DGKI: variants seen among roughly 807,000 people sequenced by gnomAD.
DGKI encodes the protein DAG kinase iota.
A neutral mutation model predicts 147.5 loss-of-function variants in DGKI; 55 were observed. The observed-to-expected ratio is 0.37, with a 90% CI of 0.30 to 0.47. The LOEUF is 0.47. Among genes scored for constraint, DGKI ranks in the 20% least tolerant of loss-of-function variants. DGKI has a pLI of 1.00. For missense variants in DGKI, 1,007 were observed against 1,323.8 expected (o/e 0.76, Z 3.71); for synonymous variants, 469 against 477.1 (o/e 0.98, Z 0.22).
chr7:137,720,042 C>T (rs1274290050), intron 1 of DGKI, among the ~76,000 whole-genome samples: 1 of 152,098 alleles, frequency 6.6e-6, no homozygotes, highest in African/African-American at 2.4e-5. Flanking sequence ...TCCCGCCTCA[C>T]TGTATTCTTC....
At chr7:137,407,142 T>C (rs532535744) in intron 30 of DGKI, among the ~76,000 whole-genome samples, 2 of 152,328 alleles carry the variant, frequency 1.3e-5, no homozygotes, top group African/African-American at 4.8e-5. Flanking sequence ...GCAGTATTTT[T>C]CCCCTTTATT....
intron 28 of DGKI, among the ~76,000 whole-genome samples, chr7:137,420,529 G>T (rs778381992): frequency 6.6e-6 from 1 of 152,012 alleles, no homozygotes; most frequent in Non-Finnish European, 1.5e-5. Flanking sequence ...AATGTGTTAT[G>T]CATACAATGT....
At chr7:137,642,493 C>T (rs1297052681) in intron 6 of DGKI, among the ~76,000 whole-genome samples, 2 of 152,168 alleles carry the variant, frequency 1.3e-5, no homozygotes, top group Non-Finnish European at 2.9e-5. Context: ...AAATATTCTC[C>T]TCATTAAACT....
chr7:137,561,776 T>C (rs894198879), intron 19 of DGKI, among the ~76,000 whole-genome samples: 2 of 151,954 alleles, frequency 1.3e-5, no homozygotes, highest in African/African-American at 4.8e-5. Context: ...AGACACACTA[T>C]ATACAAGGAA....
intron 1 of DGKI, among the ~76,000 whole-genome samples, chr7:137,807,327 G>A (rs1797411263): frequency 6.6e-6 from 1 of 152,204 alleles, no homozygotes; most frequent in South Asian, 2.1e-4. Context: ...AAAGCTGCTA[G>A]GAATCAGTAA....
intron 32 of DGKI, among the ~76,000 whole-genome samples, chr7:137,393,533 G>A (rs1811441987): frequency 6.6e-6 from 1 of 152,200 alleles, no homozygotes; most frequent in South Asian, 2.1e-4. Context: ...CTGAATATAA[G>A]TTGTGTGTTT....
chr7:137,803,079 C>G (rs144879947), intron 1 of DGKI, among the ~76,000 whole-genome samples: 118 of 152,240 alleles, frequency 7.8e-4, no homozygotes, highest in African/African-American at 2.6e-3. Context: ...CAGGGCAGGT[C>G]GCTTGCATTA....
At chr7:137,807,656 C>A (rs1189347518) in intron 1 of DGKI, among the ~76,000 whole-genome samples, 1 of 152,208 alleles carries the variant, frequency 6.6e-6, no homozygotes. Context: ...GAAGCCACTG[C>A]AGCTATTGAT....
chr7:137,810,392 A>G (rs764634209), intron 1 of DGKI, among the ~76,000 whole-genome samples: 6 of 152,226 alleles, frequency 3.9e-5, no homozygotes, highest in Non-Finnish European at 8.8e-5. Context: ...AAACGAAACT[A>G]TGAAAGGTAC....
intron 28 of DGKI, among the ~76,000 whole-genome samples, chr7:137,441,580 T>G (rs1428369931): frequency 6.6e-6 from 1 of 152,126 alleles, no homozygotes; most frequent in Admixed American, 6.6e-5. Flanking sequence ...AGCCACTGTA[T>G]TTAAGCTCTC....
At chr7:137,489,522 C>G (rs10236885) in intron 21 of DGKI, among the ~76,000 whole-genome samples, 17,618 of 151,912 alleles carry the variant, frequency 0.12, 1,187 homozygotes, top group African/African-American at 0.19. Context: ...AAGGAGATCT[C>G]CTAAAAATAG....
chr7:137,587,007 C>CAGT (rs1819426434), intron 13 of DGKI, 90 bp downstream of exon 13: 1 of 924,684 alleles, frequency 1.1e-6, no homozygotes, highest in Non-Finnish European at 1.6e-6. Context: ...ACAGCAGCAG[C>CAGT]AGTACCCCCC....
At chr7:137,556,945 C>G (rs1321308775) in intron 19 of DGKI, among the ~76,000 whole-genome samples, 1 of 151,986 alleles carries the variant, frequency 6.6e-6, no homozygotes, top group Non-Finnish European at 1.5e-5. Context: ...GTAAAGCAAA[C>G]ATGAGTGGGC....
intron 5 of DGKI, among the ~76,000 whole-genome samples, chr7:137,650,027 A>T (rs552692437): frequency 6.6e-6 from 1 of 152,238 alleles, no homozygotes; most frequent in Non-Finnish European, 1.5e-5. Context: ...ACTAGGGTCA[A>T]ACTAATTCTA....
intron 27 of DGKI, among the ~76,000 whole-genome samples, chr7:137,457,360 C>T (rs1814244599): frequency 6.6e-6 from 1 of 152,202 alleles, no homozygotes; most frequent in Admixed American, 6.5e-5. Flanking sequence ...AAATCAAAAT[C>T]GCTGTCCAAC....
intron 22 of DGKI, among the ~76,000 whole-genome samples, chr7:137,486,459 G>A (rs1231585528): frequency 6.6e-6 from 1 of 152,070 alleles, no homozygotes; most frequent in Non-Finnish European, 1.5e-5. Flanking sequence ...TTTGGGAAAT[G>A]AGATACTAGA....
chr7:137,830,416 G>A (rs1326916445), intron 1 of DGKI, among the ~76,000 whole-genome samples: 2 of 152,224 alleles, frequency 1.3e-5, no homozygotes, highest in Non-Finnish European at 2.9e-5. Context: ...GTGCTCTGGA[G>A]TGCAAGAGAA....
At position 137,388,776 on chromosome 7, in the gene DGKI, CT is replaced by C. The variant is rs1299071334; in HGVS notation, c.*2443del. On this transcript the variant is annotated 3_prime_UTR_variant, in exon 33 of 33. Coordinates refer to ENST00000614521, the MANE Select transcript of DGKI (RefSeq NM_001321708.2). ...TCAAAGCGATATATCAAATATTGGTCTCCATGAATAACACAGGACTCTAATG... is the reference window on the plus strand; with the variant it reads ...TCAAAGCGATATATCAAATATTGGTCCCATGAATAACACAGGACTCTAATG... The C allele has an allele frequency of 6.6e-6, 1 of 150,606 alleles. No individual in the cohort carries two copies. Among genetic ancestry groups the C allele is most frequent in the Non-Finnish European group, 1.5e-5 (1 of 67,820 alleles). 9.3% of individuals were successfully genotyped at this position (150,606 alleles called of 1,614,324 possible). A position where few individuals can be genotyped will look rare whatever the true frequency, so the allele number is the denominator to read the frequency against.
At chr7:137,586,408 CACA>C (rs1335058295) in intron 13 of DGKI, among the ~76,000 whole-genome samples, 5 of 150,940 alleles carry the variant, frequency 3.3e-5, no homozygotes, top group African/African-American at 9.8e-5. Context: ...AGCCTGGCGA[CACA>C]ACAAGACTGC....
Sources: allele counts gnomAD v4.1 joint callset (sites outside exome capture counted in the v4.1 genomes callset), GRCh38; gene constraint gnomAD v4.1.1; transcripts MANE v1.5; gene names NCBI Gene and HGNC (gene_info 2026-07-23, HGNC 2026-07-21).